The following RAB11FIP1 variants were observed in gnomAD, a reference collection of about 807,000 sequenced individuals.
RAB11FIP1 encodes the protein RAB11 family interacting protein 1, also known as rab11 family-interacting protein 1.
Under a neutral mutation model 83.1 loss-of-function variants are expected in RAB11FIP1, and 49 were observed. That is an observed-to-expected ratio of 0.59 (90% CI 0.47 to 0.75). The LOEUF (loss-of-function observed/expected upper bound fraction) is 0.75, where lower values mean the gene tolerates loss of function less well. Among genes scored for constraint, RAB11FIP1 ranks in the 30% least tolerant of loss-of-function variants. The pLI, the probability that RAB11FIP1 is intolerant of heterozygous loss-of-function variation, is 0.00. For synonymous variants in RAB11FIP1, 670 were observed against 656.0 expected, an observed-to-expected ratio of 1.02 and a Z score of -0.33; for missense variants, 1,536 against 1,598.7, an observed-to-expected ratio of 0.96 and a Z score of 0.67.
chr8:37,895,255 ATATATTTTTTTTTTTTTTTTTTTTT>A (rs1807058085), intron 1 of RAB11FIP1, among the ~76,000 whole-genome samples: 1 of 12,680 alleles, frequency 7.9e-5, no homozygotes, highest in African/African-American at 3.9e-4. Flanking sequence ...ATATATATAT[ATATATTTTTTTTTTTTTTTTTTTTT>A]TTTTTTTTTT....
chr8:37,897,274 ACC>A (rs551230353), intron 1 of RAB11FIP1, among the ~76,000 whole-genome samples: 2 of 150,988 alleles, frequency 1.3e-5, no homozygotes, highest in Non-Finnish European at 3.0e-5. Context: ...AATGGAACCC[ACC>A]CCACAGTAAA....
Position 37,899,242 on chromosome 8 carries a change from C to A in RAB11FIP1, c.200G>T (p.Arg67Leu). Residue 67 changes from arginine to leucine, a missense_variant, in exon 1 of 6, where the codon CGC (arginine) becomes CTC (leucine). By Grantham distance (102) the Arg-to-Leu change is moderately radical (BLOSUM62 -2). Coordinates refer to ENST00000330843, the MANE Select transcript of RAB11FIP1 (RefSeq NM_001002814.3). This position sits in a 1 kb window ranked among gnomAD's most constrained non-coding sequence, Gnocchi z 4.5. ...TGGCAGCTCGAAGGTGGCCTCCTCG[C>A]GCCACACGGGCGCGCCCAGGCTGCG... ...SERSLGAPVWREEATFELPSL... is the reference protein window; with the variant it reads ...SERSLGAPVWLEEATFELPSL... The A allele has an allele frequency of 6.3e-7, 1 of 1,597,290 alleles. No individual in the cohort carries two copies.
At chr8:37,875,397 G>A (rs928647658) in intron 2 of RAB11FIP1, 75 bp from the exon 3 acceptor site, 22 of 1,091,164 alleles carry the variant, frequency 2.0e-5, no homozygotes, top group Admixed American at 1.5e-4. Context: ...ATCTGTCAAC[G>A]TCTGGATACA....
chr8:37,876,214 A>AAGGAAGG (rs1806604595), intron 2 of RAB11FIP1, among the ~76,000 whole-genome samples: 21 of 128,382 alleles, frequency 1.6e-4, no homozygotes, highest in East Asian at 1.4e-3. Context: ...GAAAAGAAAG[A>AAGGAAGG]AAGGAAGGAA....
At chr8:37,873,224 T>A in intron 3 of RAB11FIP1, 45 bp from the exon 4 acceptor site, 16 of 1,505,584 alleles carry the variant, frequency 1.1e-5, no homozygotes, top group Non-Finnish European at 1.4e-5. Context: ...TGCAGATGCA[T>A]CACGAGAGAC....
chr8:37,898,468 T>A (rs1807138404), intron 1 of RAB11FIP1, among the ~76,000 whole-genome samples: 1 of 150,802 alleles, frequency 6.6e-6, no homozygotes, highest in Non-Finnish European at 1.5e-5. Flanking sequence ...TCCTGGCCAA[T>A]CTGATGAAAC....
intron 1 of RAB11FIP1, among the ~76,000 whole-genome samples, chr8:37,884,998 G>GT (rs112327410): frequency 3.0e-3 from 416 of 136,664 alleles, no homozygotes; most frequent in Middle Eastern, 4.4e-3. Context: ...TTTTTTAATT[G>GT]TTTTTTTTTT....
chr8:37,876,789 T>C (rs1364801310), intron 2 of RAB11FIP1, among the ~76,000 whole-genome samples: 1 of 151,460 alleles, frequency 6.6e-6, no homozygotes, highest in Non-Finnish European at 1.5e-5. Context: ...TACAGGAGTA[T>C]GTCATCACAT....
At chr8:37,879,128 C>T (rs1325622125) in intron 1 of RAB11FIP1, among the ~76,000 whole-genome samples, 2 of 151,542 alleles carry the variant, frequency 1.3e-5, no homozygotes, top group African/African-American at 4.9e-5. Flanking sequence ...GCCAACATGG[C>T]GAAACCCCGT....
intron 5 of RAB11FIP1, among the ~76,000 whole-genome samples, chr8:37,868,459 C>T (rs1391845501): frequency 6.6e-6 from 1 of 151,850 alleles, no homozygotes; most frequent in African/African-American, 2.4e-5. Context: ...ATTCAATATC[C>T]GGAGTCCATG....
intron 5 of RAB11FIP1, among the ~76,000 whole-genome samples, chr8:37,868,105 G>C (rs984387409): frequency 2.6e-5 from 4 of 152,100 alleles, no homozygotes; most frequent in Admixed American, 2.0e-4. Flanking sequence ...CTAGGCAATA[G>C]AGCAAGACCC....
At chr8:37,869,503 A>T (rs937680328) in intron 5 of RAB11FIP1, among the ~76,000 whole-genome samples, 8 of 152,158 alleles carry the variant, frequency 5.3e-5, no homozygotes, top group African/African-American at 1.9e-4. Flanking sequence ...GAGGCAGGAG[A>T]ATCGCTTAAA....
chr8:37,887,972 C>T (rs1806866667), intron 1 of RAB11FIP1, among the ~76,000 whole-genome samples: 1 of 152,228 alleles, frequency 6.6e-6, no homozygotes, highest in Non-Finnish European at 1.5e-5. Flanking sequence ...AGGATTTTAA[C>T]AGTTTTGACA....
chr8:37,875,829 T>C (rs536432868), intron 2 of RAB11FIP1, among the ~76,000 whole-genome samples: 1 of 151,880 alleles, frequency 6.6e-6, no homozygotes, highest in South Asian at 2.1e-4. Context: ...AAAAAAAAAC[T>C]TGGAAGACAC....
At chr8:37,891,894 C>A (rs772111318) in intron 1 of RAB11FIP1, among the ~76,000 whole-genome samples, 1 of 152,146 alleles carries the variant, frequency 6.6e-6, no homozygotes, top group African/African-American at 2.4e-5. Context: ...AAAGACTTGG[C>A]GGTACTGAGT....
Position 37,899,424 on chromosome 8 carries a change from C to T in RAB11FIP1, c.18G>A (p.Ser6=), listed in dbSNP as rs144087625. ...ACACGGCCCCCAGGCCCCGGCCAGC[C>T]GAGACCATTAGGGACATGGTGACGA... MSLMV[S]AGRGLGAVWS... The change falls in exon 1 of 6, where the codon TCG becomes TCA. Residue 6 remains serine, a synonymous_variant. Coordinates refer to ENST00000330843, the MANE Select transcript of RAB11FIP1 (RefSeq NM_001002814.3). This position sits in a 1 kb window ranked among gnomAD's most constrained non-coding sequence, Gnocchi z 4.5. 190 of 1,578,186 alleles carry T rather than the reference C, an allele frequency of 1.2e-4. 2 individuals are homozygous for T. The African/African-American group carries it at 2.4e-3, about 20-fold the overall frequency.
chr8:37,883,209 T>C (rs890526479), intron 1 of RAB11FIP1, among the ~76,000 whole-genome samples: 2 of 152,098 alleles, frequency 1.3e-5, no homozygotes, highest in African/African-American at 4.8e-5. Flanking sequence ...GTTTGTCTGT[T>C]TGTTTTAGAG....
intron 1 of RAB11FIP1, among the ~76,000 whole-genome samples, chr8:37,892,803 C>A (rs1369761149): frequency 2.0e-5 from 3 of 152,136 alleles, no homozygotes; most frequent in African/African-American, 7.2e-5. Flanking sequence ...TCGCCTTCCT[C>A]TTCAGCCTCA....
chr8:37,877,189 T>G lies in RAB11FIP1; in HGVS notation c.734A>C (p.Lys245Thr). 2 of 1,614,140 alleles carry G rather than the reference T, an allele frequency of 1.2e-6. No homozygotes were observed. The highest frequency in any genetic ancestry group is 8.5e-7 in the Non-Finnish European group (1 of 1,180,024). Residue 245 changes from lysine (K) to threonine (T), a missense_variant, in exon 2 of 6, where the codon AAA becomes ACA. By Grantham distance (78) the Lys-to-Thr change is moderately conservative (BLOSUM62 -1). Transcript: ENST00000330843. ...MSVLPTSKPEKVLLRPGDFQS... is the reference protein window; with the variant it reads ...MSVLPTSKPETVLLRPGDFQS... ...AAAGTCTCCGGGACGAAGCAGCACT[T>G]TTTCTGGCTTTGAAGTCGGCAGGAC...
Sources: allele counts gnomAD v4.1 joint callset (sites outside exome capture counted in the v4.1 genomes callset), GRCh38; gene constraint gnomAD v4.1.1; non-coding constraint Gnocchi (gnomAD v3.1); transcripts MANE v1.5; gene names NCBI Gene and HGNC (gene_info 2026-07-23, HGNC 2026-07-21).